The following SLCO2B1 variants were observed in gnomAD, a reference collection of about 807,000 sequenced individuals.
SLCO2B1 encodes the protein solute carrier organic anion transporter family member 2B1.
A neutral mutation model predicts 67.3 loss-of-function variants in SLCO2B1; 41 were observed. The ratio of observed to expected loss-of-function variants is 0.61; its 90% CI spans 0.47 to 0.79. The LOEUF (loss-of-function observed/expected upper bound fraction) is 0.79, where lower values mean the gene tolerates loss of function less well. SLCO2B1 is among the 30% of genes least tolerant of loss of function. The pLI, the probability that SLCO2B1 is intolerant of heterozygous loss-of-function variation, is 0.00. For missense variants in SLCO2B1, 837 were observed against 920.1 expected, an observed-to-expected ratio of 0.91 and a Z score of 1.17; for synonymous variants, 379 against 381.4, an observed-to-expected ratio of 0.99 and a Z score of 0.07.
At chr11:75,167,947 G>T (rs1316756866) in intron 4 of SLCO2B1, among the ~76,000 whole-genome samples, 3 of 147,046 alleles carry the variant, frequency 2.0e-5, no homozygotes, top group African/African-American at 7.6e-5. Flanking sequence ...AGGCTGGAGT[G>T]CAGTGGCTTG....
chr11:75,196,404 T>C, intron 9 of SLCO2B1, 110 bp from the exon 10 acceptor site: 1 of 1,096,222 alleles, frequency 9.1e-7, no homozygotes, highest in East Asian at 2.6e-5. Flanking sequence ...ATCCTCTGTG[T>C]GGAGCTGAAA....
At position 75,172,495 on chromosome 11, in the gene SLCO2B1, G is replaced by C. The variant is rs1949973469; in HGVS notation, c.898G>C (p.Glu300Gln). 6.2e-7 allele frequency: 1 copy of C among 1,614,152 alleles called. No individual in the cohort carries two copies. Among genetic ancestry groups the C allele is most frequent in the Admixed American group, 1.7e-5 (1 of 60,018 alleles). The change falls in exon 7 of 14, where the codon GAA (glutamate) becomes CAA (glutamine). Residue 300 changes from glutamate to glutamine, a missense_variant. Transcript: ENST00000289575. The stretch of plus-strand genomic sequence containing the variant: ...CATCCCCTACTTCTTCTTCCCCAAG[G>C]AAATGCCCAAGGAAAAACGTGAGCT... The part of the protein sequence containing the change: ...AAIPYFFFPK[E>Q]MPKEKRELQF...
At chr11:75,162,532 A>T in intron 1 of SLCO2B1, 123 bp from the exon 2 acceptor site, 1 of 1,069,056 alleles carries the variant, frequency 9.4e-7, no homozygotes, top group Non-Finnish European at 1.4e-6. Context: ...TCAGATTCTC[A>T]TCAACCACTA....
chr11:75,167,895 C>CTTTTTTTTT, intron 4 of SLCO2B1, among the ~76,000 whole-genome samples: 1 of 134,444 alleles, frequency 7.4e-6, no homozygotes, highest in Non-Finnish European at 1.6e-5. Flanking sequence ...TTCTTTCTTT[C>CTTTTTTTTT]TTTTTTTTTT....
intron 2 of SLCO2B1, among the ~76,000 whole-genome samples, chr11:75,163,316 A>AT (rs907633803): frequency 3.9e-5 from 6 of 152,104 alleles, no homozygotes; most frequent in African/African-American, 1.4e-4. Context: ...TAAATACTCT[A>AT]TTTTTTAATC....
Position 75,185,859 on chromosome 11 carries a change from T to C in SLCO2B1, c.973-2277T>C, listed in dbSNP as rs558459768. On this transcript the variant is annotated intron_variant, in intron 7 of 13. Coordinates refer to ENST00000289575, the MANE Select transcript of SLCO2B1 (RefSeq NM_007256.5). ...TGCTACAAGGGTTTGTGATCAACGA[T>C]TTTCTTAATCACTATATTTTGCAAG... 3.3e-5 allele frequency among the ~76,000 whole-genome samples: 5 copies of C among 152,296 alleles called. No individual in the cohort carries two copies. The South Asian group carries it at 8.3e-4, about 25-fold the overall frequency.
Position 75,204,634 on chromosome 11 carries a change from T to A in SLCO2B1, c.*54T>A. The A allele has an allele frequency of 6.7e-7, 1 of 1,493,484 alleles. No individual in the cohort carries two copies. Among genetic ancestry groups the A allele is most frequent in the Non-Finnish European group, 9.0e-7 (1 of 1,112,700 alleles). 92.5% of individuals were successfully genotyped at this position (1,493,484 alleles called of 1,614,324 possible). A position where few individuals can be genotyped will look rare whatever the true frequency, so the allele number is the denominator to read the frequency against. The stretch of plus-strand genomic sequence containing the variant: ...GTAGCAGCCACAGCAGTACCTCCTC[T>A]GAGTCCTTTGCCCAAGATTGGGTGT... On this transcript the variant is annotated 3_prime_UTR_variant, in exon 14 of 14. Transcript: ENST00000289575.
At chr11:75,198,236 A>T (rs939844990) in intron 10 of SLCO2B1, among the ~76,000 whole-genome samples, 1 of 152,168 alleles carries the variant, frequency 6.6e-6, no homozygotes, top group African/African-American at 2.4e-5. Context: ...ATGGGAACCG[A>T]TTCAAATCCT....
intron 4 of SLCO2B1, among the ~76,000 whole-genome samples, chr11:75,167,072 G>T (rs1949902206): frequency 6.6e-6 from 1 of 152,186 alleles, no homozygotes; most frequent in Admixed American, 6.5e-5. Context: ...GGCCAGAGGA[G>T]GCCATTAGAG....
chr11:75,195,771 C>T (rs1945089335), intron 9 of SLCO2B1, among the ~76,000 whole-genome samples: 2 of 152,238 alleles, frequency 1.3e-5, no homozygotes, highest in African/African-American at 2.4e-5. Context: ...GCCTCTGTCT[C>T]CCTGGCAGGT....
In SLCO2B1 at chr11:75,161,654, C is replaced by T. The variant is rs757171866; in HGVS notation, c.17-1001C>T. Among the ~76,000 whole-genome samples, 20 of 152,102 alleles carry T rather than the reference C, an allele frequency of 1.3e-4. 1 individual carries two copies. Among genetic ancestry groups the T allele is most frequent in the African/African-American group, 4.3e-4 (18 of 41,402 alleles). On this transcript the variant is annotated intron_variant, in intron 1 of 13. Coordinates refer to ENST00000289575, the MANE Select transcript of SLCO2B1 (RefSeq NM_007256.5). ...ATGCTGAGTGAAAGGAAACTCCTGCCGGTGGTGAGAGGGACATGAAACAAT... is the reference window on the plus strand; with the variant it reads ...ATGCTGAGTGAAAGGAAACTCCTGCTGGTGGTGAGAGGGACATGAAACAAT...
chr11:75,188,424 C>T (rs573849798), intron 8 of SLCO2B1, among the ~76,000 whole-genome samples, 186 bp downstream of exon 8: 3 of 152,240 alleles, frequency 2.0e-5, no homozygotes, highest in Admixed American at 1.3e-4. Flanking sequence ...TTTTTTATTG[C>T]TTTCAAAACC....
intron 7 of SLCO2B1, among the ~76,000 whole-genome samples, chr11:75,178,698 A>G (rs959235527): frequency 6.6e-6 from 1 of 152,206 alleles, no homozygotes; most frequent in African/African-American, 2.4e-5. Flanking sequence ...ATATATTGTT[A>G]TTAACTGGAC....
intron 7 of SLCO2B1, among the ~76,000 whole-genome samples, chr11:75,187,050 A>C (rs1944946371): frequency 6.6e-6 from 1 of 152,212 alleles, no homozygotes; most frequent in Non-Finnish European, 1.5e-5. Flanking sequence ...AAAAGGGATT[A>C]TTATGGTATC....
In SLCO2B1 at chr11:75,193,697, T is replaced by G; in HGVS notation, c.1433+122T>G. 2.4e-6 allele frequency: 2 copies of G among 830,170 alleles called. No individual in the cohort carries two copies. Among genetic ancestry groups the G allele is most frequent in the East Asian group, 5.2e-5 (2 of 38,640 alleles). The allele number at this position is 830,170 out of a possible 1,614,324, so 51.4% of individuals were successfully genotyped here. A position where few individuals can be genotyped will look rare whatever the true frequency, so the allele number is the denominator to read the frequency against. The stretch of plus-strand genomic sequence containing the variant: ...GCCTCAAATCTTGCCTCCCCAGTTC[T>G]GCTTAACAGCCCTTTAGAGATTCGA... On this transcript the variant is annotated intron_variant, in intron 9 of 13. Coordinates refer to ENST00000289575, the MANE Select transcript of SLCO2B1 (RefSeq NM_007256.5). This position sits in a 1 kb window ranked among gnomAD's most constrained non-coding sequence, Gnocchi z 4.2.
chr11:75,151,790 C>A, intron 1 of SLCO2B1: 1 of 220,560 alleles, frequency 4.5e-6, no homozygotes, highest in Non-Finnish European at 9.0e-6. Context: ...CAGGCTCAAA[C>A]GAAGAGGCAC....
chr11:75,163,968 C>A lies in SLCO2B1; in HGVS notation c.153C>A (p.Phe51Leu). The change falls in exon 3 of 14, where the codon TTC becomes TTA. Residue 51 changes from phenylalanine to leucine, a missense_variant. Physicochemically the swap from Phe to Leu is conservative, Grantham distance 22. Transcript: ENST00000289575. Reference sequence around the variant, plus strand: ...GCCTCCGGGTCCCCCCACAGCTGTTCGTTCTGTGCCACAGCCTGCTGCAGC... The same window carrying A: ...GCCTCCGGGTCCCCCCACAGCTGTTAGTTCTGTGCCACAGCCTGCTGCAGC... Reference protein sequence around the residue: ...RPSVFHNIKLFVLCHSLLQLA... With the variant: ...RPSVFHNIKLLVLCHSLLQLA... 6.3e-7 allele frequency: 1 copy of A among 1,598,690 alleles called. No individual in the cohort carries two copies. Among genetic ancestry groups the A allele is most frequent in the Admixed American group, 1.7e-5 (1 of 58,188 alleles).
At chr11:75,196,765 C>A in intron 10 of SLCO2B1, 86 bp downstream of exon 10, 1 of 1,211,584 alleles carries the variant, frequency 8.3e-7, no homozygotes, top group Non-Finnish European at 1.2e-6. Flanking sequence ...TCCACTTCTG[C>A]ATGCTCTCAC....
intron 7 of SLCO2B1, among the ~76,000 whole-genome samples, chr11:75,186,177 C>T (rs1171119027): frequency 6.6e-6 from 1 of 151,942 alleles, no homozygotes. Context: ...TCTTGTGTAG[C>T]TGGGACTACT....
Sources: allele counts gnomAD v4.1 joint callset (sites outside exome capture counted in the v4.1 genomes callset), GRCh38; gene constraint gnomAD v4.1.1; non-coding constraint Gnocchi (gnomAD v3.1); transcripts MANE v1.5; gene names NCBI Gene and HGNC (gene_info 2026-07-23, HGNC 2026-07-21).